The following MAN1A2 variants were observed in gnomAD, a reference collection of about 807,000 sequenced individuals.
MAN1A2 encodes mannosyl-oligosaccharide 1,2-alpha-mannosidase IB.
In MAN1A2, 26 loss-of-function variants were observed where a neutral mutation model predicts 75.7. The observed-to-expected ratio is 0.34, with a 90% CI of 0.25 to 0.48. The LOEUF is 0.48. MAN1A2 is among the 20% of genes least tolerant of loss of function. The probability of loss-of-function intolerance (pLI) is 0.99; values close to 1 mark genes in which losing one functional copy is unlikely to be tolerated. For missense variants in MAN1A2, 562 were observed against 775.5 expected, an observed-to-expected ratio of 0.72 and a Z score of 3.27; for synonymous variants, 247 against 264.6, an observed-to-expected ratio of 0.93 and a Z score of 0.65.
intron 5 of MAN1A2, among the ~76,000 whole-genome samples, chr1:117,429,522 G>A (rs1298978037): frequency 4.4e-5 from 4 of 89,928 alleles, no homozygotes; most frequent in Non-Finnish European, 5.1e-5. Flanking sequence ...GCGGCTGGCC[G>A]GGCGGGGGGC....
In MAN1A2 at chr1:117,523,051, C is replaced by G; in HGVS notation, c.*94C>G. ...AGGGGCGGCTTTTGAAAACCTGGAC[C>G]TCTATGTCAACATGACAGGGTGAAA... On this transcript the variant is annotated 3_prime_UTR_variant, in exon 13 of 13. Coordinates refer to ENST00000356554, the MANE Select transcript of MAN1A2 (RefSeq NM_006699.5). The G allele has an allele frequency of 7.5e-7, 1 of 1,339,402 alleles. No homozygotes were observed. Among genetic ancestry groups the G allele is most frequent in the Non-Finnish European group, 1.1e-6 (1 of 943,238 alleles). The allele number at this position is 1,339,402 out of a possible 1,614,324, so 83.0% of individuals were successfully genotyped here.
Position 117,526,880 on chromosome 1 carries a change from C to CTCTCTCTATATATATATATA in MAN1A2, c.*3924_*3925insCTCTCTATATATATATATAT. 5.0e-4 allele frequency: 27 copies of CTCTCTCTATATATATATATA among 54,506 alleles called. 1 individual carries two copies. Among genetic ancestry groups the CTCTCTCTATATATATATATA allele is most frequent in the South Asian group, 2.6e-3 (4 of 1,566 alleles). 3.4% of individuals were successfully genotyped at this position (54,506 alleles called of 1,614,324 possible). ...TCTCTCTCTCTCTCTCTCTCTCTCT[C>CTCTCTCTATATATATATATA]TATATATATATATATATATATATAT... is the stretch of plus-strand genomic sequence containing the variant. On this transcript the variant is annotated 3_prime_UTR_variant, in exon 13 of 13. Coordinates refer to ENST00000356554, the MANE Select transcript of MAN1A2 (RefSeq NM_006699.5).
chr1:117,479,172 G>A (rs1200967382), intron 8 of MAN1A2, among the ~76,000 whole-genome samples: 1 of 151,740 alleles, frequency 6.6e-6, no homozygotes, highest in African/African-American at 2.4e-5. Flanking sequence ...AGAACATATG[G>A]TGTTTGGTTT....
intron 12 of MAN1A2, among the ~76,000 whole-genome samples, chr1:117,513,451 G>T (rs1290553): frequency 0.21 from 31,276 of 151,620 alleles, 3,800 homozygotes; most frequent in East Asian, 0.4. Flanking sequence ...CTCTTGTTTG[G>T]ATATACCACA....
intron 12 of MAN1A2, among the ~76,000 whole-genome samples, chr1:117,512,466 C>T (rs1036488843): frequency 6.6e-6 from 1 of 151,914 alleles, no homozygotes; most frequent in South Asian, 2.1e-4. Flanking sequence ...TTAACAAGTT[C>T]CCAGGTGATG....
intron 3 of MAN1A2, among the ~76,000 whole-genome samples, chr1:117,413,691 C>T (rs910736495): frequency 1.3e-5 from 2 of 151,848 alleles, no homozygotes; most frequent in African/African-American, 2.4e-5. Flanking sequence ...AGCAAGAGCT[C>T]CTGGAACAGT....
intron 1 of MAN1A2, among the ~76,000 whole-genome samples, chr1:117,375,889 A>G (rs1348469209): frequency 6.6e-6 from 1 of 150,708 alleles, no homozygotes; most frequent in East Asian, 1.9e-4. Flanking sequence ...TCTTTTTCTA[A>G]GATGTATTTA....
intron 1 of MAN1A2, among the ~76,000 whole-genome samples, chr1:117,377,475 G>A (rs1051960844): frequency 9.2e-5 from 14 of 152,060 alleles, no homozygotes; most frequent in African/African-American, 3.4e-4. Flanking sequence ...TTTATCCTTG[G>A]GAAATTTTCA....
intron 7 of MAN1A2, 143 bp from the exon 8 acceptor site, chr1:117,466,191 C>G (rs1344340843): frequency 1.1e-5 from 6 of 523,548 alleles, no homozygotes; most frequent in Non-Finnish European, 1.7e-5. Context: ...GCTTCCCTGA[C>G]TTCCCCCTGC....
intron 7 of MAN1A2, among the ~76,000 whole-genome samples, chr1:117,464,418 G>A (rs17037310): frequency 0.12 from 18,091 of 151,402 alleles, 1,143 homozygotes; most frequent in Non-Finnish European, 0.14. Flanking sequence ...GATACTTGAT[G>A]CTTCATAACA....
At chr1:117,486,820 T>C (rs1341185885) in intron 8 of MAN1A2, among the ~76,000 whole-genome samples, 1 of 151,902 alleles carries the variant, frequency 6.6e-6, no homozygotes, top group East Asian at 1.9e-4. Context: ...AGAAAAGATT[T>C]TTCCCAGAGC....
intron 6 of MAN1A2, among the ~76,000 whole-genome samples, chr1:117,448,048 A>G (rs1318213381): frequency 6.6e-6 from 1 of 152,174 alleles, no homozygotes; most frequent in East Asian, 1.9e-4. Flanking sequence ...CTTTCTATCC[A>G]TGAGCATGGA....
chr1:117,408,956 T>A (rs1314693577), intron 3 of MAN1A2, among the ~76,000 whole-genome samples: 1 of 152,112 alleles, frequency 6.6e-6, no homozygotes. Context: ...GCCTTGTCAT[T>A]TGAATGTCTG....
At chr1:117,468,184 C>T (rs1303832532) in intron 8 of MAN1A2, among the ~76,000 whole-genome samples, 1 of 152,078 alleles carries the variant, frequency 6.6e-6, no homozygotes, top group Non-Finnish European at 1.5e-5. Context: ...CAAACACATC[C>T]TTCTTCACAT....
At chr1:117,466,251 GAAA>G (rs1284345466) in intron 7 of MAN1A2, 80 bp from the exon 8 acceptor site, 1 of 892,040 alleles carries the variant, frequency 1.1e-6, no homozygotes, top group African/African-American at 1.7e-5. Flanking sequence ...TTCTGAGTAA[GAAA>G]AAACACAAAG....
At chr1:117,470,182 A>G (rs1158590510) in intron 8 of MAN1A2, among the ~76,000 whole-genome samples, 1 of 152,156 alleles carries the variant, frequency 6.6e-6, no homozygotes, top group Non-Finnish European at 1.5e-5. Flanking sequence ...AAACCTTGAA[A>G]ACATTATGCT....
chr1:117,512,823 A>G (rs1337397980), intron 12 of MAN1A2, among the ~76,000 whole-genome samples: 3 of 151,400 alleles, frequency 2.0e-5, no homozygotes, highest in African/African-American at 2.4e-5. Context: ...CTACTATTTA[A>G]TATAAGCATT....
At chr1:117,516,049 A>G (rs1224893853) in intron 12 of MAN1A2, 2 of 151,998 alleles carry the variant, frequency 1.3e-5, no homozygotes, top group East Asian at 3.9e-4. Context: ...CTTCAATCCA[A>G]CTTTTCCCTT....
At chr1:117,379,001 T>C (rs1197296684) in intron 1 of MAN1A2, among the ~76,000 whole-genome samples, 1 of 152,146 alleles carries the variant, frequency 6.6e-6, no homozygotes, top group Non-Finnish European at 1.5e-5. Context: ...ATGATGTTTT[T>C]AGTTTTACAC....
Sources: gnomAD v4.1 joint callset for allele counts (sites outside exome capture counted in the v4.1 genomes callset) on GRCh38, gnomAD v4.1.1 for gene constraint, MANE v1.5 for transcripts, NCBI Gene and HGNC (gene_info 2026-07-23, HGNC 2026-07-21) for gene names.